Variants in RGS6 observed in about 807,000 individuals in gnomAD.
RGS6 encodes the protein regulator of G-protein signaling 6.
A neutral mutation model predicts 78.5 loss-of-function variants in RGS6; 30 were observed. The ratio of observed to expected loss-of-function variants is 0.38; its 90% CI spans 0.29 to 0.52. The LOEUF is 0.52. Ranked by LOEUF, RGS6 falls within the 20% of genes least tolerant of loss-of-function variation. The pLI, the probability that RGS6 is intolerant of heterozygous loss-of-function variation, is 0.85. For missense variants in RGS6, 495 were observed against 609.7 expected (o/e 0.81, Z 1.98); for synonymous variants, 206 against 206.0 (o/e 1.00, Z 0.00).
chr14:72,288,084 G>A (rs1275670729), intron 2 of RGS6, among the ~76,000 whole-genome samples: 1 of 152,150 alleles, frequency 6.6e-6, no homozygotes, highest in Non-Finnish European at 1.5e-5. Context: ...TGACTTTGGT[G>A]TCAAGGTAAT....
chr14:72,173,265 G>A (rs1361341116), intron 2 of RGS6, among the ~76,000 whole-genome samples: 1 of 152,036 alleles, frequency 6.6e-6, no homozygotes, highest in South Asian at 2.1e-4. Flanking sequence ...CAGGGCAGCT[G>A]CCCACAACAG....
chr14:71,938,916 C>T (rs1304031230), intron 1 of RGS6, among the ~76,000 whole-genome samples: 4 of 152,146 alleles, frequency 2.6e-5, no homozygotes, highest in Admixed American at 1.3e-4. Context: ...TAGAGTACTC[C>T]ACTGTGATTC....
At chr14:72,375,705 A>G (rs1238623995) in intron 3 of RGS6, among the ~76,000 whole-genome samples, 1 of 152,208 alleles carries the variant, frequency 6.6e-6, no homozygotes, top group Non-Finnish European at 1.5e-5. Context: ...TTGCACCGCT[A>G]CCAGCACAAA....
intron 17 of RGS6, chr14:72,550,600 A>AC (rs1475442001): frequency 6.5e-7 from 1 of 1,534,842 alleles, no homozygotes; most frequent in Non-Finnish European, 8.7e-7. Flanking sequence ...GAATTCTGAT[A>AC]CGTGCTCTGT....
At chr14:72,239,393 T>G (rs768157353) in intron 2 of RGS6, among the ~76,000 whole-genome samples, 10 of 152,196 alleles carry the variant, frequency 6.6e-5, no homozygotes, top group Non-Finnish European at 1.3e-4. Context: ...AGCCTGCGTT[T>G]GATTAACACT....
At chr14:72,369,583 G>T (rs536712133) in intron 3 of RGS6, among the ~76,000 whole-genome samples, 17 of 152,036 alleles carry the variant, frequency 1.1e-4, no homozygotes, top group African/African-American at 3.9e-4. Flanking sequence ...TTCATTAACT[G>T]AAAAAAGAAA....
chr14:72,438,799 A>G (rs2095057966), intron 3 of RGS6, among the ~76,000 whole-genome samples: 1 of 152,232 alleles, frequency 6.6e-6, no homozygotes, highest in Non-Finnish European at 1.5e-5. Context: ...TTAAAAACAT[A>G]AACTGGACCC....
intron 15 of RGS6, among the ~76,000 whole-genome samples, chr14:72,518,954 C>T (rs1025392150): frequency 5.9e-5 from 9 of 152,188 alleles, no homozygotes; most frequent in Non-Finnish European, 8.8e-5. Context: ...ACACTGCTTC[C>T]GCAGTGATCT....
chr14:72,329,939 G>T (rs2074621442), intron 2 of RGS6, among the ~76,000 whole-genome samples: 1 of 152,198 alleles, frequency 6.6e-6, no homozygotes. Context: ...TGAATTCTGA[G>T]GTCAAAGGCT....
intron 2 of RGS6, among the ~76,000 whole-genome samples, chr14:71,987,575 G>A (rs2094770365): frequency 6.6e-6 from 1 of 151,866 alleles, no homozygotes; most frequent in African/African-American, 2.4e-5. Context: ...CCCCAGGCTG[G>A]AGTGTAATGG....
chr14:72,450,443 C>A (rs994943964), intron 3 of RGS6, among the ~76,000 whole-genome samples: 1 of 152,020 alleles, frequency 6.6e-6, no homozygotes, highest in Non-Finnish European at 1.5e-5. Context: ...TAATAAAACA[C>A]GCATGCAATG....
chr14:71,875,095 T>G, the RGS6 span, among the ~76,000 whole-genome samples: 1 of 152,174 alleles, frequency 6.6e-6, no homozygotes, highest in Non-Finnish European at 1.5e-5. Context: ...GATATTGGTC[T>G]AAAATTCTCT....
intron 3 of RGS6, among the ~76,000 whole-genome samples, chr14:72,386,070 A>G (rs2152919598): frequency 6.6e-6 from 1 of 152,178 alleles, no homozygotes; most frequent in South Asian, 2.1e-4. Flanking sequence ...GGGCTTTCTT[A>G]GGCATGGGCA....
At chr14:72,182,106 T>C (rs965653541) in intron 2 of RGS6, among the ~76,000 whole-genome samples, 1 of 152,182 alleles carries the variant, frequency 6.6e-6, no homozygotes, top group African/African-American at 2.4e-5. Flanking sequence ...CTCATTCTTT[T>C]CTTTAGAAAA....
intron 2 of RGS6, among the ~76,000 whole-genome samples, chr14:71,989,027 A>G (rs1226508187): frequency 1.3e-5 from 2 of 152,186 alleles, no homozygotes; most frequent in Non-Finnish European, 2.9e-5. Flanking sequence ...CTGTTCTGAA[A>G]TATCCCACTA....
intron 2 of RGS6, among the ~76,000 whole-genome samples, chr14:72,000,816 G>A (rs536183971): frequency 6.6e-6 from 1 of 152,336 alleles, no homozygotes; most frequent in African/African-American, 2.4e-5. Flanking sequence ...GCGACCCTGA[G>A]AGAGCTGTTT....
chr14:71,934,444 A>G (rs1434366774), intron 1 of RGS6, among the ~76,000 whole-genome samples: 2 of 152,160 alleles, frequency 1.3e-5, no homozygotes, highest in East Asian at 3.8e-4. Flanking sequence ...GCAGATCTTA[A>G]CTTTACTTCT....
chr14:71,894,190 G>A, the RGS6 span, among the ~76,000 whole-genome samples: 1 of 152,142 alleles, frequency 6.6e-6, no homozygotes, highest in African/African-American at 2.4e-5. Flanking sequence ...AAATGAGGCT[G>A]AGACTTGCTG....
At chr14:72,125,285 G>T (rs75015224) in intron 2 of RGS6, among the ~76,000 whole-genome samples, 6,659 of 152,218 alleles carry the variant, frequency 0.044, 163 homozygotes, top group Middle Eastern at 0.082. Context: ...TTCCTCAATA[G>T]TGCTGTGAGA....
Sources: allele counts gnomAD v4.1 joint callset (sites outside exome capture counted in the v4.1 genomes callset), GRCh38; gene constraint gnomAD v4.1.1; transcripts MANE v1.5; gene names NCBI Gene and HGNC (gene_info 2026-07-23, HGNC 2026-07-21).